The following CCM2 variants were observed in gnomAD, a reference collection of about 807,000 sequenced individuals.
CCM2 encodes the protein CCM2 scaffold protein, also known as cerebral cavernous malformations 2 protein.
CCM2 carries 25 observed loss-of-function variants against 44.9 expected under a neutral mutation model. The ratio of observed to expected loss-of-function variants is 0.56; its 90% confidence interval spans 0.41 to 0.78. The LOEUF is 0.78. Among genes scored for constraint, CCM2 ranks in the 30% least tolerant of loss-of-function variants. The pLI is 0.00. For synonymous variants in CCM2, 219 were observed against 241.1 expected, an observed-to-expected ratio of 0.91 and a Z score of 0.85; for missense variants, 481 against 580.6, an observed-to-expected ratio of 0.83 and a Z score of 1.76.
chr7:45,044,406 G>T (rs1797658026), intron 2 of CCM2, among the ~76,000 whole-genome samples: 1 of 152,206 alleles, frequency 6.6e-6, no homozygotes, highest in African/African-American at 2.4e-5. Context: ...AAGGTGCTGG[G>T]ATTACAGGTG....
At chr7:45,055,228 G>GT (rs913638442) in intron 2 of CCM2, among the ~76,000 whole-genome samples, 8 of 152,132 alleles carry the variant, frequency 5.3e-5, no homozygotes, top group African/African-American at 1.9e-4. Context: ...GGGTACTTTT[G>GT]TTTCAGCAAA....
At chr7:45,063,171 C>T (rs1170341957) in intron 2 of CCM2, 2 of 152,262 alleles carry the variant, frequency 1.3e-5, no homozygotes, top group African/African-American at 2.4e-5. Context: ...CTCCCGGGTT[C>T]AAGCAATTAT....
chr7:45,065,313 G>A (rs752137844), intron 4 of CCM2, among the ~76,000 whole-genome samples: 8 of 152,194 alleles, frequency 5.3e-5, no homozygotes, highest in African/African-American at 1.4e-4. Context: ...ACCATGGTTC[G>A]CCCTACCTGT....
chr7:45,015,241 C>T (rs578166253), intron 1 of CCM2, among the ~76,000 whole-genome samples: 17 of 152,276 alleles, frequency 1.1e-4, no homozygotes, highest in Admixed American at 8.5e-4. Context: ...TCCAGTCATA[C>T]CCCTTTCCAC....
rs71565942 is a variant in CCM2 at position 45,051,383 on chromosome 7, G to GTATTTATTTATT, written c.205-12514_205-12503dup. Among the ~76,000 whole-genome samples, 730 of 150,622 alleles carry GTATTTATTTATT rather than the reference G, an allele frequency of 4.8e-3. 5 individuals carry two copies. Among genetic ancestry groups the GTATTTATTTATT allele is most frequent in the African/African-American group, 0.013 (528 of 40,650 alleles). The stretch of plus-strand genomic sequence containing the variant: ...AAGATGACAGCTCCAGGATGCTTGG[G>GTATTTATTTATT]TATTTATTTATTTATTTATTTATTT... On this transcript the variant is annotated intron_variant, in intron 2 of 9. Transcript: ENST00000258781.
chr7:45,062,341 A>G (rs1798565016), intron 2 of CCM2, among the ~76,000 whole-genome samples: 1 of 152,186 alleles, frequency 6.6e-6, no homozygotes. Context: ...AACATTGAAA[A>G]TGTTATGGTG....
At chr7:45,017,454 G>A (rs985519931) in intron 1 of CCM2, among the ~76,000 whole-genome samples, 1 of 152,190 alleles carries the variant, frequency 6.6e-6, no homozygotes, top group Non-Finnish European at 1.5e-5. Flanking sequence ...GTTGGCATCT[G>A]GTGGTGAGTT....
chr7:45,043,640 A>G, intron 2 of CCM2: 1 of 361,000 alleles, frequency 2.8e-6, no homozygotes, highest in Admixed American at 4.1e-5. Flanking sequence ...AAAAAAAAAA[A>G]AATTGTGGAG....
intron 7 of CCM2, chr7:45,073,062 C>T (rs779636859): frequency 1.7e-5 from 10 of 600,904 alleles, no homozygotes; most frequent in Non-Finnish European, 2.4e-5. Flanking sequence ...TGGAGCTGTT[C>T]CCCTGCCCGA....
intron 2 of CCM2, chr7:45,043,629 A>C (rs1010991856): frequency 2.9e-4 from 39 of 132,558 alleles, no homozygotes; most frequent in African/African-American, 1.0e-3. Context: ...ACTCCATCCC[A>C]AAAAAAAAAA....
At chr7:45,018,800 G>T (rs1039852019) in intron 1 of CCM2, among the ~76,000 whole-genome samples, 1 of 144,078 alleles carries the variant, frequency 6.9e-6, no homozygotes, top group African/African-American at 2.6e-5. Flanking sequence ...TTACTCTGTC[G>T]CCAGGCTGGA....
At chr7:45,021,264 TAAAAA>T (rs1028920363) in intron 1 of CCM2, among the ~76,000 whole-genome samples, 1 of 150,716 alleles carries the variant, frequency 6.6e-6, no homozygotes, top group Non-Finnish European at 1.5e-5. Context: ...CTCTAAAAAA[TAAAAA>T]AAATAATAAA....
intron 1 of CCM2, among the ~76,000 whole-genome samples, chr7:45,032,361 C>T (rs1056069772): frequency 5.9e-5 from 9 of 152,098 alleles, no homozygotes; most frequent in Non-Finnish European, 2.9e-5. Context: ...CCTTGGCATG[C>T]CCTATCTTTG....
intron 1 of CCM2, among the ~76,000 whole-genome samples, chr7:45,001,909 AGTT>A (rs1180722838): frequency 2.6e-5 from 4 of 152,240 alleles, no homozygotes; most frequent in Admixed American, 1.3e-4. Context: ...GGAGATAATC[AGTT>A]GTTATGTAGT....
intron 1 of CCM2, among the ~76,000 whole-genome samples, chr7:45,026,011 T>C (rs764687169): frequency 6.6e-6 from 1 of 152,238 alleles, no homozygotes; most frequent in Non-Finnish European, 1.5e-5. Flanking sequence ...AGGTTGGGGT[T>C]GACTAGTGTT....
In CCM2 at chr7:45,000,460, G is replaced by GC. The variant is rs889605256; in HGVS notation, c.30+97_30+98insC. On this transcript the variant is annotated intron_variant, in intron 1 of 9. Coordinates refer to ENST00000258781, the MANE Select transcript of CCM2 (RefSeq NM_031443.4). ...GCGGGTGTTCCTTGGGGCCCGGGGG[G>GC]GGGGGCAGTGGGCCAGCTGGCGGGG... is the stretch of plus-strand genomic sequence containing the variant. The GC allele has an allele frequency of 2.3e-5, 7 of 307,408 alleles. No homozygotes were observed. In the East Asian group the frequency reaches 2.6e-4, roughly 11 times the overall value. 19.0% of individuals were successfully genotyped at this position (307,408 alleles called of 1,614,324 possible).
intron 6 of CCM2, chr7:45,070,419 A>G (rs1359708277): frequency 2.2e-6 from 1 of 456,134 alleles, no homozygotes; most frequent in Non-Finnish European, 4.4e-6. Context: ...GAAGCTGCTC[A>G]GGCTGCCCTG....
upstream of CCM2, chr7:44,999,799 T>TGCTCCCGCGCGCGCTCCCGCGCGC: frequency 2.3e-6 from 1 of 443,798 alleles, no homozygotes; most frequent in Non-Finnish European, 4.5e-6. Context: ...AAGTTGGAGC[T>TGCTCCCGCGCGCGCTCCCGCGCGC]GCTCCCGCGC....
intron 2 of CCM2, among the ~76,000 whole-genome samples, chr7:45,044,484 G>A (rs1797661780): frequency 6.6e-6 from 1 of 152,044 alleles, no homozygotes; most frequent in Non-Finnish European, 1.5e-5. Context: ...TAGCCCACTT[G>A]CTTCTGAGGC....
Sources: gnomAD v4.1 joint callset for allele counts (sites outside exome capture counted in the v4.1 genomes callset) on GRCh38, gnomAD v4.1.1 for gene constraint, MANE v1.5 for transcripts, NCBI Gene and HGNC (gene_info 2026-07-23, HGNC 2026-07-21) for gene names.